The following GLT8D1 variants were observed in gnomAD, a reference collection of about 807,000 sequenced individuals.
GLT8D1 encodes the protein glycosyltransferase 8 domain-containing protein 1.
A neutral mutation model predicts 46.2 loss-of-function variants in GLT8D1; 41 were observed. That is an observed-to-expected ratio of 0.89 (90% confidence interval 0.69 to 1.15). The LOEUF is 1.15. Ranked by LOEUF, GLT8D1 falls within the 50% of genes most tolerant of loss-of-function variation. The probability of loss-of-function intolerance (pLI) is 0.00; values close to 1 mark genes in which losing one functional copy is unlikely to be tolerated. For missense variants in GLT8D1, 408 were observed against 449.3 expected (o/e 0.91, Z 0.83); for synonymous variants, 150 against 154.2 (o/e 0.97, Z 0.20).
At chr3:52,704,431 C>G (rs1578596749) in intron 1 of GLT8D1, among the ~76,000 whole-genome samples, 1 of 138,448 alleles carries the variant, frequency 7.2e-6, no homozygotes, top group Non-Finnish European at 1.5e-5. Flanking sequence ...TGCACTCCAG[C>G]CTGGGCAACA....
rs768151874 is a variant in GLT8D1 at position 52,695,040 on chromosome 3, C to A, written c.926-5G>T. On this transcript the variant is annotated splice_region_variant and splice_polypyrimidine_tract_variant and intron_variant, in intron 9 of 9. Transcript: ENST00000266014. Reference sequence around the variant, plus strand: ...ATCGTTTTCCAGCACTGGAACCTTACATTTGAGACAAAAATAGCCACATCG... The same window carrying A: ...ATCGTTTTCCAGCACTGGAACCTTAAATTTGAGACAAAAATAGCCACATCG... 1.5e-4 allele frequency: 241 copies of A among 1,603,602 alleles called. No homozygotes were observed. The highest frequency in any genetic ancestry group is 1.9e-4 in the Non-Finnish European group (226 of 1,170,622).
chr3:52,704,180 C>T (rs556830394), intron 1 of GLT8D1, among the ~76,000 whole-genome samples: 105 of 152,078 alleles, frequency 6.9e-4, no homozygotes, highest in African/African-American at 2.5e-3. Context: ...CCGCACTGGC[C>T]GGGCGCGGTG....
intron 4 of GLT8D1, 196 bp downstream of exon 4, chr3:52,697,525 C>T: frequency 3.4e-6 from 2 of 581,326 alleles, no homozygotes; most frequent in South Asian, 2.1e-5. Context: ...GCATGAGCTC[C>T]TTGTATCACT....
intron 1 of GLT8D1, chr3:52,701,316 G>C (rs1042557867): frequency 2.0e-5 from 3 of 150,868 alleles, no homozygotes; most frequent in Non-Finnish European, 4.4e-5. Flanking sequence ...GATATCAAAA[G>C]TGTGGAGTAC....
chr3:52,698,207 CAA>C (rs1474377391), intron 3 of GLT8D1, among the ~76,000 whole-genome samples: 1 of 152,108 alleles, frequency 6.6e-6, no homozygotes, highest in Non-Finnish European at 1.5e-5. Context: ...CAATTTGTAT[CAA>C]GAGTTTCCTA....
In GLT8D1 at chr3:52,695,323, A is replaced by G. The variant is rs1384091053; in HGVS notation, c.813-21T>C. On this transcript the variant is annotated intron_variant, in intron 8 of 9. Transcript: ENST00000266014. ...CCTCTCTTGGTGGGACAGAAAACAA[A>G]TGTTTGTTAGTGAAAAGTACTGACT... The G allele has an allele frequency of 7.5e-6, 12 of 1,597,386 alleles. No individual in the cohort carries two copies. The East Asian group carries it at 8.9e-5, about 12-fold the overall frequency.
chr3:52,697,384 G>C, intron 4 of GLT8D1: 1 of 335,726 alleles, frequency 3.0e-6, no homozygotes, highest in Non-Finnish European at 5.7e-6. Flanking sequence ...ACTGCTCCGA[G>C]CATGTCCATG....
In GLT8D1 at chr3:52,694,751, C is replaced by CCGAT; in HGVS notation, c.*90_*93dup. ...ACACATCTTTTTCCATGGCTTGCTA[C>CCGAT]CGATAGGCATTGAAGCCTAGCAACT... On this transcript the variant is annotated 3_prime_UTR_variant, in exon 10 of 10. Transcript: ENST00000266014. 1.2e-6 allele frequency: 1 copy of CCGAT among 858,358 alleles called. No individual in the cohort carries two copies. The highest frequency in any genetic ancestry group is 2.0e-6 in the Non-Finnish European group (1 of 506,446). 53.2% of individuals were successfully genotyped at this position (858,358 alleles called of 1,614,324 possible). A position where few individuals can be genotyped will look rare whatever the true frequency, so the allele number is the denominator to read the frequency against.
intron 5 of GLT8D1, 98 bp downstream of exon 5, chr3:52,696,444 T>C (rs1311279945): frequency 1.0e-6 from 1 of 995,550 alleles, no homozygotes; most frequent in Non-Finnish European, 1.6e-6. Flanking sequence ...CACCCAGGCT[T>C]GGTCCCCAGG....
chr3:52,697,557 T>C, intron 4 of GLT8D1, 164 bp downstream of exon 4: 2 of 626,988 alleles, frequency 3.2e-6, no homozygotes, highest in Non-Finnish European at 5.7e-6. Flanking sequence ...GGGGATATGC[T>C]CATAATACAG....
In GLT8D1 at chr3:52,697,758, A is replaced by G; in HGVS notation, c.292T>C (p.Tyr98His). ...QHNTRSNVIF[Y>H]IVTLNNTADH... is the part of the protein sequence containing the mutation. Reference sequence around the variant, plus strand: ...GCTGTATTGTTGAGAGTAACAATGTAGAAAATCACATTGGAGCGAGTGTTG... The same window carrying G: ...GCTGTATTGTTGAGAGTAACAATGTGGAAAATCACATTGGAGCGAGTGTTG... The change falls in exon 4 of 10, where the codon TAC (tyrosine) becomes CAC (histidine). Residue 98 changes from tyrosine to histidine, a missense_variant. Tyr to His is a moderately conservative substitution (Grantham distance 83, BLOSUM62 2). Transcript: ENST00000266014. 6.2e-7 allele frequency: 1 copy of G among 1,613,204 alleles called. No homozygotes were observed. Among genetic ancestry groups the G allele is most frequent in the Non-Finnish European group, 8.5e-7 (1 of 1,179,098 alleles).
chr3:52,695,269 G>A lies in GLT8D1; in HGVS notation c.846C>T (p.Ser282=). ...EGLYSRTLAG[S]ITTPPLLIVF... ...CGATAAGCAGAGGAGGTGTTGTGAT[G>A]CTACCAGCCAGGGTTCTGCTATACA... The change falls in exon 9 of 10, where the codon AGC becomes AGT. Residue 282 remains serine (S), a synonymous_variant. Transcript: ENST00000266014. The A allele has an allele frequency of 3.7e-6, 6 of 1,613,636 alleles. No homozygotes were observed. The highest frequency in any genetic ancestry group is 5.1e-6 in the Non-Finnish European group (6 of 1,179,650).
Position 52,697,753 on chromosome 3 carries a change from A to G in GLT8D1, c.297T>C (p.Ile99=). The G allele has an allele frequency of 6.2e-7, 1 of 1,613,406 alleles. No homozygotes were observed. Among genetic ancestry groups the G allele is most frequent in the Non-Finnish European group, 8.5e-7 (1 of 1,179,306 alleles). ...GGTCTGCTGTATTGTTGAGAGTAAC[A>G]ATGTAGAAAATCACATTGGAGCGAG... ...HNTRSNVIFY[I]VTLNNTADHL... Residue 99 remains isoleucine, a synonymous_variant, in exon 4 of 10, where the codon ATT becomes ATC. Transcript: ENST00000266014.
rs1219805844 is a variant in GLT8D1 at position 52,694,901 on chromosome 3, G to A, written c.1060C>T (p.Pro354Ser). The part of the protein sequence containing the change: ...DVWEKWYIPD[P>S]TGKFNLIRRY... ...CGGATTAGGTTGAATTTGCCTGTTG[G>A]GTCTGGAATATACCATTTTTCCCAA... The change falls in exon 10 of 10, where the codon CCA (proline) becomes TCA (serine). Residue 354 changes from proline to serine, a missense_variant. Physicochemically the swap from Pro to Ser is moderately conservative, Grantham distance 74. Coordinates refer to ENST00000266014, the MANE Select transcript of GLT8D1 (RefSeq NM_018446.4). 1.9e-6 allele frequency: 3 copies of A among 1,611,654 alleles called. No individual in the cohort carries two copies. Among genetic ancestry groups the A allele is most frequent in the Non-Finnish European group, 2.5e-6 (3 of 1,177,730 alleles).
chr3:52,696,876 A>G (rs956252033), intron 4 of GLT8D1, among the ~76,000 whole-genome samples: 1 of 49,916 alleles, frequency 2.0e-5, no homozygotes, highest in Non-Finnish European at 4.1e-5. Flanking sequence ...AAACTACTCT[A>G]GAAAAACTAT....
chr3:52,696,715 G>T, intron 4 of GLT8D1, 56 bp from the exon 5 acceptor site: 1 of 963,450 alleles, frequency 1.0e-6, no homozygotes, highest in Non-Finnish European at 1.7e-6. Flanking sequence ...AAACCAATGA[G>T]GGAATAATGC....
chr3:52,699,737 C>T (rs1404688342), intron 3 of GLT8D1, among the ~76,000 whole-genome samples: 1 of 152,106 alleles, frequency 6.6e-6, no homozygotes, highest in Admixed American at 6.6e-5. Flanking sequence ...CAGAGCACTC[C>T]GTGAAAGTCA....
At position 52,695,187 on chromosome 3, in the gene GLT8D1, T is replaced by TA. The variant is rs767958832; in HGVS notation, c.925+2dup. Reference sequence around the variant, plus strand: ...GCTTATGCCACTGGTTAATTCTACTTACCAAGGTGGCGGACATTCCACATA... The same window carrying TA: ...GCTTATGCCACTGGTTAATTCTACTTAACCAAGGTGGCGGACATTCCACATA... On this transcript the variant is annotated splice_region_variant and intron_variant, in intron 9 of 9. Coordinates refer to ENST00000266014, the MANE Select transcript of GLT8D1 (RefSeq NM_018446.4). 2 of 1,599,392 alleles carry TA rather than the reference T, an allele frequency of 1.3e-6. No homozygotes were observed. The highest frequency in any genetic ancestry group is 1.1e-5 in the South Asian group (1 of 90,684).
At chr3:52,699,289 C>CT (rs906161945) in intron 3 of GLT8D1, among the ~76,000 whole-genome samples, 46 of 147,330 alleles carry the variant, frequency 3.1e-4, no homozygotes, top group Non-Finnish European at 2.4e-4. Flanking sequence ...ACTGTTGTCT[C>CT]TTTTTTTTTT....
Sources: gnomAD v4.1 joint callset for allele counts (sites outside exome capture counted in the v4.1 genomes callset) on GRCh38, gnomAD v4.1.1 for gene constraint, MANE v1.5 for transcripts, NCBI Gene and HGNC (gene_info 2026-07-23, HGNC 2026-07-21) for gene names.